The following SUPT3H variants were observed in gnomAD, a reference collection of about 807,000 sequenced individuals.
SUPT3H encodes transcription initiation protein SPT3 homolog.
A neutral mutation model predicts 44.3 loss-of-function variants in SUPT3H; 44 were observed. The ratio of observed to expected loss-of-function variants is 0.99; its 90% CI spans 0.78 to 1.28. The LOEUF is 1.28. Among genes scored for constraint, SUPT3H ranks in the 50% most tolerant of loss-of-function variants. The probability of loss-of-function intolerance (pLI) is 0.00; values close to 1 mark genes in which losing one functional copy is unlikely to be tolerated. For synonymous variants in SUPT3H, 124 were observed against 125.6 expected (o/e 0.99, Z 0.09); for missense variants, 380 against 387.1 (o/e 0.98, Z 0.15).
intron 2 of SUPT3H, among the ~76,000 whole-genome samples, chr6:45,301,833 T>G (rs966679870): frequency 6.6e-6 from 1 of 152,178 alleles, no homozygotes; most frequent in African/African-American, 2.4e-5. Context: ...GGTACAGTAT[T>G]TTTTTAACTT....
rs1321198485 is a variant in SUPT3H, at chr6:45,285,577, C to T, written c.101+79624G>A. 3.9e-5 allele frequency among the ~76,000 whole-genome samples: 6 copies of T among 152,108 alleles called. No homozygotes were observed. The East Asian group carries it at 1.2e-3, about 30-fold the overall frequency. On this transcript the variant is annotated intron_variant, in intron 2 of 10. Transcript: ENST00000371459. ...CTTCAAGGAGAACTACAAACCACTG[C>T]TCAATGAAATAAAAGAGGATACAAA...
intron 10 of SUPT3H, among the ~76,000 whole-genome samples, chr6:44,897,832 A>G (rs1231033673): frequency 6.6e-6 from 1 of 152,176 alleles, no homozygotes; most frequent in Non-Finnish European, 1.5e-5. Flanking sequence ...TGGCTCCCCC[A>G]AACTCCTTCT....
chr6:45,277,239 G>A (rs1427531570), intron 2 of SUPT3H, among the ~76,000 whole-genome samples: 1 of 152,084 alleles, frequency 6.6e-6, no homozygotes, highest in Non-Finnish European at 1.5e-5. Flanking sequence ...TCTATTAGAA[G>A]TGTCCAAATT....
chr6:44,903,946 T>C (rs1006403098), intron 10 of SUPT3H, among the ~76,000 whole-genome samples: 7 of 152,164 alleles, frequency 4.6e-5, no homozygotes, highest in Non-Finnish European at 2.9e-5. Flanking sequence ...ATTATCTCAA[T>C]AGATGCAGAA....
At chr6:44,959,990 C>T (rs1428099601) in intron 7 of SUPT3H, among the ~76,000 whole-genome samples, 1 of 152,072 alleles carries the variant, frequency 6.6e-6, no homozygotes, top group Admixed American at 6.5e-5. Context: ...ACCAAGGTTT[C>T]ATAATAAAAC....
At chr6:45,170,375 A>C (rs1810573648) in intron 2 of SUPT3H, among the ~76,000 whole-genome samples, 1 of 152,158 alleles carries the variant, frequency 6.6e-6, no homozygotes, top group South Asian at 2.1e-4. Flanking sequence ...GTAACATGAA[A>C]TTTTCCTCAG....
intron 2 of SUPT3H, among the ~76,000 whole-genome samples, chr6:45,187,514 T>C (rs1814456259): frequency 1.3e-5 from 2 of 152,338 alleles, no homozygotes; most frequent in Admixed American, 6.5e-5. Flanking sequence ...ATTATATAAA[T>C]GTATCTTTTC....
At chr6:45,284,150 T>C (rs1449742889) in intron 2 of SUPT3H, among the ~76,000 whole-genome samples, 1 of 152,022 alleles carries the variant, frequency 6.6e-6, no homozygotes, top group African/African-American at 2.4e-5. Flanking sequence ...AGGAAAGATC[T>C]AAAATTGACA....
At chr6:45,339,889 C>G (rs543559228) in intron 2 of SUPT3H, among the ~76,000 whole-genome samples, 2 of 152,016 alleles carry the variant, frequency 1.3e-5, no homozygotes, top group Non-Finnish European at 2.9e-5. Context: ...GTTTACTGTA[C>G]CGGGTACTAT....
intron 2 of SUPT3H, among the ~76,000 whole-genome samples, chr6:45,302,884 G>A (rs550750097): frequency 9.2e-5 from 14 of 152,064 alleles, no homozygotes; most frequent in African/African-American, 1.4e-4. Flanking sequence ...GGCCATTCTC[G>A]CAGGAGTATA....
intron 2 of SUPT3H, among the ~76,000 whole-genome samples, chr6:45,271,363 G>A (rs1776116725): frequency 6.6e-6 from 1 of 152,170 alleles, no homozygotes; most frequent in Admixed American, 6.5e-5. Context: ...GGTCCCCGCG[G>A]TGTGTGCAGT....
At chr6:44,988,432 A>G (rs1479755812) in intron 6 of SUPT3H, among the ~76,000 whole-genome samples, 4 of 150,278 alleles carry the variant, frequency 2.7e-5, no homozygotes, top group Non-Finnish European at 4.4e-5. Context: ...TGGAAAATAT[A>G]TATCTATATA....
chr6:44,963,456 C>T (rs943927010), intron 6 of SUPT3H, among the ~76,000 whole-genome samples: 2 of 152,300 alleles, frequency 1.3e-5, no homozygotes, highest in East Asian at 3.9e-4. Flanking sequence ...CGCCACTGCA[C>T]ACCAGCCTGG....
chr6:44,974,916 T>A (rs1000593213), intron 6 of SUPT3H, among the ~76,000 whole-genome samples: 5 of 152,126 alleles, frequency 3.3e-5, no homozygotes, highest in African/African-American at 7.2e-5. Flanking sequence ...TGTATTAAGA[T>A]GACCAGTTTA....
intron 6 of SUPT3H, among the ~76,000 whole-genome samples, chr6:44,996,180 C>T (rs147330586): frequency 2.0e-5 from 3 of 151,874 alleles, no homozygotes; most frequent in East Asian, 3.9e-4. Flanking sequence ...AATACTTTCT[C>T]GGTTTTACTA....
chr6:45,103,750 C>T (rs973803972), intron 3 of SUPT3H, among the ~76,000 whole-genome samples: 11 of 151,908 alleles, frequency 7.2e-5, no homozygotes, highest in East Asian at 1.9e-4. Flanking sequence ...ACCTAGTGTT[C>T]AACAAGAAAA....
Position 45,266,747 on chromosome 6 carries a change from G to A in SUPT3H, c.101+98454C>T, listed in dbSNP as rs556884908. Among the ~76,000 whole-genome samples, 391 of 152,042 alleles carry A rather than the reference G, an allele frequency of 2.6e-3. 3 individuals carry two copies. Among genetic ancestry groups the A allele is most frequent in the African/African-American group, 8.6e-3 (357 of 41,530 alleles). ...ATATAAAAACTCTGAGGCATAAAAT[G>A]AAAAATATTTTTTCACATATTTACA... is the stretch of plus-strand genomic sequence containing the variant. On this transcript the variant is annotated intron_variant, in intron 2 of 10. Coordinates refer to ENST00000371459, the MANE Select transcript of SUPT3H (RefSeq NM_003599.4).
chr6:45,346,857 G>A (rs761623849), intron 2 of SUPT3H, among the ~76,000 whole-genome samples: 6 of 152,082 alleles, frequency 3.9e-5, no homozygotes, highest in Admixed American at 6.6e-5. Context: ...GAGCCATCGC[G>A]CCGGGCCTCA....
At chr6:45,143,520 A>C (rs181805025) in intron 2 of SUPT3H, among the ~76,000 whole-genome samples, 2 of 152,254 alleles carry the variant, frequency 1.3e-5, no homozygotes, top group African/African-American at 4.8e-5. Flanking sequence ...ACAGTGACAA[A>C]ACTCATCAAA....
Sources: gnomAD v4.1 joint callset for allele counts (sites outside exome capture counted in the v4.1 genomes callset) on GRCh38, gnomAD v4.1.1 for gene constraint, MANE v1.5 for transcripts, NCBI Gene and HGNC (gene_info 2026-07-23, HGNC 2026-07-21) for gene names.